Variants in BMERB1 observed in about 807,000 individuals in gnomAD.
The protein encoded by BMERB1 is bMERB domain containing 1, also known as bMERB domain-containing protein 1.
Under a neutral mutation model 23.6 loss-of-function variants are expected in BMERB1, and 12 were observed. The ratio of observed to expected loss-of-function variants is 0.51; its 90% CI spans 0.33 to 0.82. The LOEUF (loss-of-function observed/expected upper bound fraction) is 0.82. Ranked by LOEUF, BMERB1 falls within the 40% of genes least tolerant of loss-of-function variation. BMERB1 has a pLI of 0.03. For synonymous variants in BMERB1, 122 were observed against 96.6 expected, an observed-to-expected ratio of 1.26 and a Z score of -1.54; for missense variants, 247 against 255.4, an observed-to-expected ratio of 0.97 and a Z score of 0.22.
chr16:15,487,753 T>TTC (rs951720655), intron 1 of BMERB1, among the ~76,000 whole-genome samples: 2 of 152,186 alleles, frequency 1.3e-5, no homozygotes, highest in African/African-American at 4.8e-5. Flanking sequence ...AGGTGGGCAA[T>TTC]TCCCACAGCT....
At chr16:15,469,114 C>A (rs2051208363) in intron 1 of BMERB1, among the ~76,000 whole-genome samples, 1 of 151,902 alleles carries the variant, frequency 6.6e-6, no homozygotes, top group African/African-American at 2.4e-5. Flanking sequence ...CAAGTGCGTG[C>A]CACCACACCT....
At chr16:15,573,928 C>T (rs1371665554) in intron 3 of BMERB1, among the ~76,000 whole-genome samples, 1 of 142,146 alleles carries the variant, frequency 7.0e-6, no homozygotes, top group Non-Finnish European at 1.5e-5. Context: ...GAGGAACTGC[C>T]CAACCCTTAT....
intron 1 of BMERB1, among the ~76,000 whole-genome samples, chr16:15,443,765 A>T (rs536683826): frequency 6.6e-6 from 1 of 152,060 alleles, no homozygotes; most frequent in South Asian, 2.1e-4. Context: ...TAAAAATACA[A>T]AAAATTAGCC....
chr16:15,562,106 G>A lies in BMERB1; in HGVS notation c.231-5877G>A, dbSNP rs548974154. Among the ~76,000 whole-genome samples the A allele has an allele frequency of 6.6e-5, 10 of 151,376 alleles. No individual in the cohort carries two copies. In the East Asian group the frequency reaches 1.2e-3, roughly 18 times the overall value. On this transcript the variant is annotated intron_variant, in intron 2 of 5. Coordinates refer to ENST00000300006, the MANE Select transcript of BMERB1 (RefSeq NM_033201.3). ...GTGGATCACCTGAGATCAGGTGTTC[G>A]AGACCAGCCTGATCAACATGGTGAA...
intron 2 of BMERB1, among the ~76,000 whole-genome samples, chr16:15,522,707 C>T (rs1281548441): frequency 6.6e-6 from 1 of 152,118 alleles, no homozygotes; most frequent in African/African-American, 2.4e-5. Flanking sequence ...TTGTCCCCCT[C>T]GCAGGGTGTG....
At chr16:15,504,674 A>T (rs1343248359) in intron 1 of BMERB1, among the ~76,000 whole-genome samples, 1 of 151,952 alleles carries the variant, frequency 6.6e-6, no homozygotes, top group African/African-American at 2.4e-5. Context: ...GCTGGTCTTA[A>T]ACTCATGGCT....
chr16:15,567,971 C>T lies in BMERB1; in HGVS notation c.231-12C>T. 1 of 1,609,430 alleles carries T rather than the reference C, an allele frequency of 6.2e-7. No individual in the cohort carries two copies. The highest frequency in any genetic ancestry group is 8.5e-7 in the Non-Finnish European group (1 of 1,176,234). ...GATGTAACCTGCTGTTGATGGTGTC[C>T]TGTTTCCCCAGGATGGATGACATCC... On this transcript the variant is annotated splice_polypyrimidine_tract_variant and intron_variant, in intron 2 of 5. Coordinates refer to ENST00000300006, the MANE Select transcript of BMERB1 (RefSeq NM_033201.3).
chr16:15,541,002 C>G (rs996803793), intron 2 of BMERB1, among the ~76,000 whole-genome samples: 3 of 151,946 alleles, frequency 2.0e-5, no homozygotes, highest in African/African-American at 7.3e-5. Flanking sequence ...TTAAAAGACC[C>G]CATCCCACCA....
intron 1 of BMERB1, among the ~76,000 whole-genome samples, chr16:15,497,628 A>G (rs914714632): frequency 2.6e-5 from 4 of 152,176 alleles, no homozygotes; most frequent in African/African-American, 9.7e-5. Context: ...GTTTGTGTTT[A>G]TTTGTAACTG....
At chr16:15,459,356 C>T (rs775546338) in intron 1 of BMERB1, among the ~76,000 whole-genome samples, 14 of 145,312 alleles carry the variant, frequency 9.6e-5, no homozygotes, top group Non-Finnish European at 2.1e-4. Context: ...AAAAAAAAAA[C>T]ACCAGGATCC....
chr16:15,545,003 C>T (rs1157073203), intron 2 of BMERB1, among the ~76,000 whole-genome samples: 4 of 151,812 alleles, frequency 2.6e-5, no homozygotes, highest in Non-Finnish European at 4.4e-5. Context: ...GACGGAGTCT[C>T]GCTCTATCAC....
chr16:15,494,063 T>C (rs1203319004), intron 1 of BMERB1, among the ~76,000 whole-genome samples: 1 of 152,174 alleles, frequency 6.6e-6, no homozygotes, highest in Admixed American at 6.5e-5. Flanking sequence ...GAATCATAGC[T>C]CAGGATAGAT....
intron 2 of BMERB1, among the ~76,000 whole-genome samples, chr16:15,550,527 G>A (rs907415404): frequency 8.7e-5 from 13 of 150,244 alleles, no homozygotes; most frequent in Middle Eastern, 3.5e-3. Flanking sequence ...AAGTAGAGAC[G>A]GGGTTTCACC....
chr16:15,549,120 C>G (rs2030007077), intron 2 of BMERB1, among the ~76,000 whole-genome samples: 1 of 151,956 alleles, frequency 6.6e-6, no homozygotes, highest in African/African-American at 2.4e-5. Context: ...GGGCAGATCA[C>G]CTGAGGTCAG....
chr16:15,583,941 G>A (rs1470497437), intron 5 of BMERB1: 1 of 693,980 alleles, frequency 1.4e-6, no homozygotes, highest in African/African-American at 1.8e-5. Flanking sequence ...TAATTGCAAA[G>A]TTTGGTGCAT....
intron 1 of BMERB1, among the ~76,000 whole-genome samples, chr16:15,492,142 G>T (rs1424599523): frequency 6.6e-6 from 1 of 152,202 alleles, no homozygotes; most frequent in East Asian, 1.9e-4. Flanking sequence ...GTAAAAATCA[G>T]TGCCTATGAA....
chr16:15,565,053 A>C (rs1378496632), intron 2 of BMERB1, among the ~76,000 whole-genome samples: 1 of 137,662 alleles, frequency 7.3e-6, no homozygotes, highest in African/African-American at 2.7e-5. Context: ...TCCTTTATGC[A>C]AAAAAAAAAA....
At chr16:15,502,741 C>T (rs764225210) in intron 1 of BMERB1, among the ~76,000 whole-genome samples, 8 of 152,092 alleles carry the variant, frequency 5.3e-5, no homozygotes, top group Non-Finnish European at 1.2e-4. Context: ...TCAATAGCAG[C>T]AACTGGCTTC....
At position 15,564,304 on chromosome 16, in the gene BMERB1, G is replaced by T. The variant is rs78319312; in HGVS notation, c.231-3679G>T. Among the ~76,000 whole-genome samples the T allele has an allele frequency of 7.7e-3, 1,166 of 152,004 alleles. 20 individuals are homozygous for T. The highest frequency in any genetic ancestry group is 0.025 in the African/African-American group (1,019 of 41,462). ...TTCTAGATTTTTTACATGTTTTTTT[G>T]TGTGTGTGTATCTATAAAATGCATA... On this transcript the variant is annotated intron_variant, in intron 2 of 5. Transcript: ENST00000300006.
Sources: gnomAD v4.1 joint callset for allele counts (sites outside exome capture counted in the v4.1 genomes callset) on GRCh38, gnomAD v4.1.1 for gene constraint, MANE v1.5 for transcripts, NCBI Gene and HGNC (gene_info 2026-07-23, HGNC 2026-07-21) for gene names.